The following SYBU variants were observed in gnomAD, a reference collection of about 807,000 sequenced individuals.
SYBU encodes GOLSYN A protein.
SYBU carries 21 observed loss-of-function variants against 35.9 expected under a neutral mutation model. The observed-to-expected ratio is 0.58, with a 90% CI of 0.41 to 0.84. The LOEUF (loss-of-function observed/expected upper bound fraction) is 0.84. Ranked by LOEUF, SYBU falls within the 40% of genes least tolerant of loss-of-function variation. The pLI, the probability that SYBU is intolerant of heterozygous loss-of-function variation, is 0.00. For synonymous variants in SYBU, 319 were observed against 324.3 expected, an observed-to-expected ratio of 0.98 and a Z score of 0.18; for missense variants, 768 against 848.2, an observed-to-expected ratio of 0.91 and a Z score of 1.17.
Position 109,575,217 on chromosome 8 carries a change from AG to A in SYBU, c.1680del (p.Tyr561ThrfsTer14). 1 of 1,614,220 alleles carries A rather than the reference AG, an allele frequency of 6.2e-7. No individual in the cohort carries two copies. The stretch of plus-strand genomic sequence containing the variant: ...TGAACTTCTGCATCCACATTGGCGT[AG>A]GGGGTCTCCACGGGAGACAAAAGGA... ...SAILLSPVET[P>X]YANVDAEVHA... On this transcript the variant is annotated frameshift_variant, in exon 7 of 7. Coordinates refer to ENST00000276646, the MANE Select transcript of SYBU (RefSeq NM_001099754.2). LOFTEE classifies it low-confidence loss of function (END_TRUNC).
chr8:109,689,150 T>C (rs986544454), intron 1 of SYBU, among the ~76,000 whole-genome samples: 11 of 152,146 alleles, frequency 7.2e-5, no homozygotes, highest in Admixed American at 3.3e-4. Context: ...TTTCTTTATT[T>C]TGAAATTATT....
intron 2 of SYBU, among the ~76,000 whole-genome samples, chr8:109,635,980 A>G (rs60840347): frequency 0.11 from 16,808 of 152,258 alleles, 1,100 homozygotes; most frequent in South Asian, 0.23. Flanking sequence ...AATTCAGAAT[A>G]TGTTTCGTGA....
chr8:109,653,966 A>G (rs1816255764), intron 1 of SYBU, among the ~76,000 whole-genome samples: 2 of 152,282 alleles, frequency 1.3e-5, no homozygotes, highest in South Asian at 4.1e-4. Flanking sequence ...TCATAGGATT[A>G]TTGAGAGTAT....
chr8:109,650,338 T>C (rs906365253), intron 1 of SYBU, among the ~76,000 whole-genome samples: 2 of 152,222 alleles, frequency 1.3e-5, no homozygotes, highest in African/African-American at 4.8e-5. Flanking sequence ...AGTAAACATC[T>C]TAAAAAATAA....
intron 3 of SYBU, among the ~76,000 whole-genome samples, chr8:109,600,094 C>CA (rs776406752): frequency 6.6e-6 from 1 of 152,218 alleles, no homozygotes; most frequent in Non-Finnish European, 1.5e-5. Context: ...CATTGCACTG[C>CA]AATTGCCTGT....
upstream of SYBU, among the ~76,000 whole-genome samples, chr8:109,682,783 C>G (rs907480337): frequency 3.3e-5 from 5 of 152,106 alleles, no homozygotes; most frequent in Non-Finnish European, 7.4e-5. Flanking sequence ...ACCCAGAGGC[C>G]TAGTAGGAAA....
chr8:109,619,125 C>T, intron 2 of SYBU, 86 bp from the exon 3 acceptor site: 2 of 985,058 alleles, frequency 2.0e-6, no homozygotes, highest in South Asian at 2.8e-5. Context: ...CACACACGCA[C>T]ACGTGCACTC....
intron 3 of SYBU, chr8:109,607,993 G>C (rs1364943138): frequency 6.5e-7 from 1 of 1,530,864 alleles, no homozygotes; most frequent in Non-Finnish European, 8.7e-7. Flanking sequence ...TATGTCTTTT[G>C]CAGAAATACA....
upstream of SYBU, among the ~76,000 whole-genome samples, chr8:109,681,165 C>T (rs1390175879): frequency 6.6e-6 from 1 of 152,172 alleles, no homozygotes; most frequent in Admixed American, 6.5e-5. Context: ...AAATGTTTCA[C>T]TTCTTATGAA....
At chr8:109,668,842 C>T (rs1816862160) in intron 1 of SYBU, among the ~76,000 whole-genome samples, 1 of 152,020 alleles carries the variant, frequency 6.6e-6, no homozygotes, top group Non-Finnish European at 1.5e-5. Context: ...ACTTAAAATT[C>T]CTCTTAATTT....
At chr8:109,605,583 G>A (rs1825990152) in intron 3 of SYBU, among the ~76,000 whole-genome samples, 1 of 152,174 alleles carries the variant, frequency 6.6e-6, no homozygotes, top group Non-Finnish European at 1.5e-5. Flanking sequence ...GGAAATTAAA[G>A]TGGCATTAAA....
At chr8:109,640,750 G>C (rs1249576814) in intron 2 of SYBU, among the ~76,000 whole-genome samples, 1 of 140,908 alleles carries the variant, frequency 7.1e-6, no homozygotes, top group Non-Finnish European at 1.5e-5. Flanking sequence ...ATAATATTTT[G>C]ATAGGGTTTT....
At chr8:109,608,027 A>G in intron 3 of SYBU, 1 of 1,411,318 alleles carries the variant, frequency 7.1e-7, no homozygotes, top group Non-Finnish European at 9.6e-7. Context: ...ATATCTCAGT[A>G]GAGTACAGTC....
At chr8:109,610,052 C>T (rs776386464) in intron 3 of SYBU, among the ~76,000 whole-genome samples, 1 of 152,156 alleles carries the variant, frequency 6.6e-6, no homozygotes, top group Non-Finnish European at 1.5e-5. Flanking sequence ...CCACTCTTCT[C>T]CTTTCCTAAC....
At chr8:109,580,660 G>A (rs2131223691) in intron 4 of SYBU, 1 of 152,810 alleles carries the variant, frequency 6.5e-6, no homozygotes, top group South Asian at 2.1e-4. Context: ...GCTCCCTCCA[G>A]TAGAAGGTTG....
At chr8:109,687,188 A>C (rs11991233) in intron 1 of SYBU, among the ~76,000 whole-genome samples, 43 of 152,350 alleles carry the variant, frequency 2.8e-4, no homozygotes, top group Middle Eastern at 3.4e-3. Flanking sequence ...AAAGAAAAGT[A>C]TAAACTCACT....
intron 1 of SYBU, chr8:109,644,231 C>T (rs185499860): frequency 4.2e-6 from 2 of 479,184 alleles, no homozygotes; most frequent in East Asian, 6.1e-5. Context: ...AGGTACCATG[C>T]GCCAGCCACT....
intron 3 of SYBU, among the ~76,000 whole-genome samples, chr8:109,594,959 A>AT (rs1233779163): frequency 6.6e-6 from 1 of 152,118 alleles, no homozygotes; most frequent in African/African-American, 2.4e-5. Flanking sequence ...TCTGAGCTTC[A>AT]TTTTTTTCTA....
chr8:109,664,591 G>C (rs1427698766), intron 1 of SYBU, among the ~76,000 whole-genome samples: 4 of 152,152 alleles, frequency 2.6e-5, no homozygotes, highest in Non-Finnish European at 4.4e-5. Context: ...CACACTTTGA[G>C]AAAAGCAGGT....
Sources: gnomAD v4.1 joint callset for allele counts (sites outside exome capture counted in the v4.1 genomes callset) on GRCh38, gnomAD v4.1.1 for gene constraint, MANE v1.5 for transcripts, NCBI Gene and HGNC (gene_info 2026-07-23, HGNC 2026-07-21) for gene names.